AFF3: variants seen among roughly 807,000 people sequenced by gnomAD.
The protein encoded by AFF3 is AF4/FMR2 family member 3.
AFF3 carries 32 observed loss-of-function variants against 129.7 expected under a neutral mutation model. The ratio of observed to expected loss-of-function variants is 0.25; its 90% CI spans 0.19 to 0.33. The LOEUF (loss-of-function observed/expected upper bound fraction) is 0.33, where lower values mean the gene tolerates loss of function less well. AFF3 is among the 10% of genes least tolerant of loss of function. The probability of loss-of-function intolerance (pLI) is 1.00; values close to 1 mark genes in which losing one functional copy is unlikely to be tolerated. For missense variants in AFF3, 1,373 were observed against 1,592.0 expected (o/e 0.86, Z 2.34); for synonymous variants, 644 against 635.4 (o/e 1.01, Z -0.20).
At chr2:99,784,082 G>C (rs1558846844) in intron 8 of AFF3, among the ~76,000 whole-genome samples, 2 of 152,218 alleles carry the variant, frequency 1.3e-5, no homozygotes, top group Admixed American at 1.3e-4. Context: ...CTTGCCGAGA[G>C]GCCAGTCTGC....
intron 8 of AFF3, among the ~76,000 whole-genome samples, chr2:99,833,971 C>T (rs916717259): frequency 6.6e-6 from 1 of 152,052 alleles, no homozygotes; most frequent in Non-Finnish European, 1.5e-5. Context: ...TAGAACACAA[C>T]GTAATATTCA....
intron 13 of AFF3, among the ~76,000 whole-genome samples, chr2:99,643,689 G>A (rs989219422): frequency 6.6e-6 from 1 of 152,142 alleles, no homozygotes; most frequent in African/African-American, 2.4e-5. Flanking sequence ...GGGTCAGGAA[G>A]ATGAAGCTGA....
chr2:99,738,998 G>A (rs1401699144), intron 10 of AFF3, among the ~76,000 whole-genome samples: 2 of 139,500 alleles, frequency 1.4e-5, no homozygotes, highest in African/African-American at 2.7e-5. Flanking sequence ...TTCTCAGTGA[G>A]GAGTGAACTG....
chr2:99,767,221 C>A (rs1683090176), intron 8 of AFF3, among the ~76,000 whole-genome samples: 1 of 152,116 alleles, frequency 6.6e-6, no homozygotes, highest in South Asian at 2.1e-4. Flanking sequence ...GGTGTAAGCA[C>A]CATGAGAGGA....
At chr2:99,622,538 C>G (rs1022135117) in intron 13 of AFF3, among the ~76,000 whole-genome samples, 1 of 152,158 alleles carries the variant, frequency 6.6e-6, no homozygotes, top group South Asian at 2.1e-4. Flanking sequence ...CTTTATTATT[C>G]CTGAGTATGG....
intron 8 of AFF3, among the ~76,000 whole-genome samples, chr2:99,832,487 T>C (rs1233557416): frequency 2.6e-5 from 4 of 152,090 alleles, no homozygotes; most frequent in Non-Finnish European, 5.9e-5. Flanking sequence ...CCCTGCAACA[T>C]AGTGGCAAGC....
rs532965441 is a variant in AFF3 at position 99,682,541 on chromosome 2, C to T, written c.1092-9952G>A. 2.6e-5 allele frequency among the ~76,000 whole-genome samples: 4 copies of T among 152,282 alleles called. 1 individual carries two copies. The South Asian group carries it at 6.2e-4, about 24-fold the overall frequency. On this transcript the variant is annotated intron_variant, in intron 11 of 24. Transcript: ENST00000672756. ...CTGAGATTCCAGCTTGTTCTTCAGC[C>T]TTGGGGAGGAAACAGAAAATTTTAT...
chr2:100,043,970 GC>G (rs766606538), intron 4 of AFF3, among the ~76,000 whole-genome samples: 1 of 152,138 alleles, frequency 6.6e-6, no homozygotes, highest in Non-Finnish European at 1.5e-5. Flanking sequence ...ACCCTGGTGG[GC>G]CCCCTGAGAG....
chr2:99,640,474 C>T, intron 13 of AFF3, among the ~76,000 whole-genome samples: 1 of 152,262 alleles, frequency 6.6e-6, no homozygotes, highest in Non-Finnish European at 1.5e-5. Flanking sequence ...CCTGCTTCTG[C>T]AACTGGGAAA....
chr2:99,985,893 A>G (rs957754639), intron 7 of AFF3, among the ~76,000 whole-genome samples: 2 of 152,080 alleles, frequency 1.3e-5, no homozygotes, highest in Non-Finnish European at 2.9e-5. Flanking sequence ...TTGTACTTTC[A>G]TAAGAAGAAA....
intron 7 of AFF3, among the ~76,000 whole-genome samples, chr2:99,927,934 G>A (rs1696383381): frequency 6.6e-6 from 1 of 152,138 alleles, no homozygotes. Flanking sequence ...CACAGGGACA[G>A]GTGTTTCCCG....
Position 99,937,936 on chromosome 2 carries a change from G to A in AFF3, c.873+68696C>T, listed in dbSNP as rs781242107. On this transcript the variant is annotated intron_variant, in intron 7 of 24. Transcript: ENST00000672756. ...CCAGAGTCACCTATTCTTTAATGTTGCCTTGATTCTTTTAATACTGGTAAA... is the reference window on the plus strand; with the variant it reads ...CCAGAGTCACCTATTCTTTAATGTTACCTTGATTCTTTTAATACTGGTAAA... Among the ~76,000 whole-genome samples the A allele has an allele frequency of 9.9e-5, 15 of 151,912 alleles. 3 individuals carry two copies. The highest frequency in any genetic ancestry group is 9.8e-4 in the Admixed American group (15 of 15,238).
chr2:99,736,922 A>T (rs964182061), intron 10 of AFF3, among the ~76,000 whole-genome samples: 2 of 151,968 alleles, frequency 1.3e-5, no homozygotes, highest in African/African-American at 4.8e-5. Flanking sequence ...TAAATTACTG[A>T]TTTAATTTAT....
intron 8 of AFF3, among the ~76,000 whole-genome samples, chr2:99,756,427 T>G (rs1682101647): frequency 6.6e-6 from 1 of 152,244 alleles, no homozygotes; most frequent in Admixed American, 6.5e-5. Context: ...CAAAGGCTCT[T>G]AAGTGTAAAT....
At chr2:100,075,739 A>G (rs1243539753) in intron 4 of AFF3, among the ~76,000 whole-genome samples, 2 of 152,188 alleles carry the variant, frequency 1.3e-5, no homozygotes, top group East Asian at 3.8e-4. Context: ...AATTCCCAGA[A>G]TGCATTTATC....
rs951072103 is a variant in AFF3 at position 99,844,417 on chromosome 2, G to C, written c.874-6893C>G. 5.5e-5 allele frequency among the ~76,000 whole-genome samples: 8 copies of C among 144,246 alleles called. No homozygotes were observed. The Admixed American group carries it at 5.6e-4, about 10-fold the overall frequency. 94.6% of individuals were successfully genotyped at this position (144,246 alleles called of 152,430 possible). ...TTCTCCCCATTCCCCATCAATACGA[G>C]AACTATTTTTTCTTTTCTTTTTTTT... On this transcript the variant is annotated intron_variant, in intron 7 of 24. Transcript: ENST00000672756.
At chr2:100,104,788 C>T in intron 3 of AFF3, 1 of 860,480 alleles carries the variant, frequency 1.2e-6, no homozygotes, top group Middle Eastern at 6.2e-4. Flanking sequence ...GCGGCCCGGC[C>T]CGCTGCTGCA....
At chr2:99,823,096 T>C (rs1687811416) in intron 8 of AFF3, among the ~76,000 whole-genome samples, 3 of 152,210 alleles carry the variant, frequency 2.0e-5, no homozygotes, top group Admixed American at 1.3e-4. Context: ...TGGCTCCATA[T>C]TGAAAGCCCA....
intron 12 of AFF3, among the ~76,000 whole-genome samples, chr2:99,650,454 G>A (rs1045972176): frequency 2.0e-5 from 3 of 152,186 alleles, no homozygotes; most frequent in African/African-American, 7.2e-5. Context: ...AGTGACTCAG[G>A]AGGCTGAGGC....
Sources: allele counts gnomAD v4.1 joint callset (sites outside exome capture counted in the v4.1 genomes callset), GRCh38; gene constraint gnomAD v4.1.1; transcripts MANE v1.5; gene names NCBI Gene and HGNC (gene_info 2026-07-23, HGNC 2026-07-21).